The following SPACA6 variants were observed in gnomAD, a reference collection of about 807,000 sequenced individuals.
SPACA6 encodes the protein sperm acrosome membrane-associated protein 6.
For synonymous variants in SPACA6, 6 were observed against 1.5 expected, an observed-to-expected ratio of 4.05 and a Z score of -2.21; for missense variants, 8 against 2.8, an observed-to-expected ratio of 2.88 and a Z score of -1.34.
In SPACA6 at chr19:51,703,191, G is replaced by T; in HGVS notation, c.464-37G>T. ...TAAGCTGGTGGCGAGGCCAGACGTG[G>T]TCGGGGCCCAGCGAGTGAACCCTGC... is the stretch of plus-strand genomic sequence containing the variant. On this transcript the variant is annotated intron_variant, in intron 5 of 8. Coordinates refer to ENST00000637797, the MANE Select transcript of SPACA6 (RefSeq NM_001316972.2). This position sits in a 1 kb window ranked among gnomAD's most constrained non-coding sequence, Gnocchi z 4.2. 1 of 399,434 alleles carries T rather than the reference G, an allele frequency of 2.5e-6. No homozygotes were observed. Among genetic ancestry groups the T allele is most frequent in the Non-Finnish European group, 4.4e-6 (1 of 226,164 alleles). The allele number at this position is 399,434 out of a possible 1,614,324, so 24.7% of individuals were successfully genotyped here. A position where few individuals can be genotyped will look rare whatever the true frequency, so the allele number is the denominator to read the frequency against.
chr19:51,704,300 A>C lies in SPACA6; in HGVS notation c.761A>C (p.Glu254Ala), dbSNP rs1204069339. Residue 254 changes from glutamate to alanine, a missense_variant, in exon 8 of 9, where the codon GAG becomes GCG. Physicochemically the swap from Glu to Ala is moderately radical, Grantham distance 107. Coordinates refer to ENST00000637797, the MANE Select transcript of SPACA6 (RefSeq NM_001316972.2). ...VTGPPPRAET[E>A]LQASFREVLR... ...GGCCCGCCCCCGCGGGCGGAGACAG[A>C]GTTGCAGGCCTCGTTCCGGGAAGTG... 1 of 400,526 alleles carries C rather than the reference A, an allele frequency of 2.5e-6. No individual in the cohort carries two copies. The highest frequency in any genetic ancestry group is 2.1e-5 in the African/African-American group (1 of 48,610). 24.8% of individuals were successfully genotyped at this position (400,526 alleles called of 1,614,324 possible). A position where few individuals can be genotyped will look rare whatever the true frequency, so the allele number is the denominator to read the frequency against.
downstream of SPACA6, among the ~76,000 whole-genome samples, chr19:51,709,620 A>G (rs1217225214): frequency 6.6e-6 from 1 of 151,144 alleles, no homozygotes; most frequent in Non-Finnish European, 1.5e-5. Context: ...GTCACAAAAA[A>G]AAAAAAAAAA....
chr19:51,705,342 A>G, downstream of SPACA6: 1 of 371,962 alleles, frequency 2.7e-6, no homozygotes, highest in Non-Finnish European at 4.8e-6. Flanking sequence ...ATACCCCCTC[A>G]GGTTACTGGC....
Position 51,693,592 on chromosome 19 carries a change from G to A in SPACA6, c.66G>A (p.Val22=). 2.3e-6 allele frequency: 1 copy of A among 432,196 alleles called. No individual in the cohort carries two copies. Among genetic ancestry groups the A allele is most frequent in the Middle Eastern group, 3.0e-4 (1 of 3,290 alleles). 26.8% of individuals were successfully genotyped at this position (432,196 alleles called of 1,614,324 possible). A position where few individuals can be genotyped will look rare whatever the true frequency, so the allele number is the denominator to read the frequency against. ...TGCTGGCCCTGGCTGTCTTCAGGGT[G>A]CCCGCCTGGGCCTGTCTCCTCTGCT... is the stretch of plus-strand genomic sequence containing the variant. The part of the protein sequence containing the change: ...SALLALAVFR[V]PAWACLLCFT... The change falls in exon 1 of 9, where the codon GTG becomes GTA. Residue 22 remains valine (V), a synonymous_variant. Transcript: ENST00000637797.
At chr19:51,702,707 C>T (rs1413775765) in intron 4 of SPACA6, 55 bp downstream of exon 4, 2 of 398,956 alleles carry the variant, frequency 5.0e-6, no homozygotes, top group African/African-American at 4.1e-5. Flanking sequence ...CGGTCGGGGA[C>T]GAAACGTACG....
At chr19:51,697,593 A>G (rs1299058719) in intron 2 of SPACA6, among the ~76,000 whole-genome samples, 2 of 152,172 alleles carry the variant, frequency 1.3e-5, no homozygotes, top group Non-Finnish European at 2.9e-5. Flanking sequence ...TTGGAGATAG[A>G]CTGGACCAGA....
rs1568619735 is a variant in SPACA6, at chr19:51,703,500, G to A, written c.573+163G>A. On this transcript the variant is annotated intron_variant, in intron 6 of 8. Transcript: ENST00000637797. This position sits in a 1 kb window ranked among gnomAD's most constrained non-coding sequence, Gnocchi z 4.2. ...GATTTAGGGGAGAGCTCGAAGATCA[G>A]AATGCAGGACCAAGGACCTGGGGCG... is the stretch of plus-strand genomic sequence containing the variant. 6.6e-6 allele frequency among the ~76,000 whole-genome samples: 1 copy of A among 152,158 alleles called. No homozygotes were observed. The highest frequency in any genetic ancestry group is 6.5e-5 in the Admixed American group (1 of 15,278).
chr19:51,712,677 CAG>C (rs2083548325), downstream of SPACA6, among the ~76,000 whole-genome samples: 1 of 152,132 alleles, frequency 6.6e-6, no homozygotes, highest in South Asian at 2.1e-4. Flanking sequence ...TGTATGGACA[CAG>C]GGGCAAGTGA....
chr19:51,693,552 C>T lies in SPACA6; in HGVS notation c.26C>T (p.Ala9Val). The change falls in exon 1 of 9, where the codon GCC (alanine) becomes GTC (valine). Residue 9 changes from alanine to valine, a missense_variant. Coordinates refer to ENST00000637797, the MANE Select transcript of SPACA6 (RefSeq NM_001316972.2). ...ATGGCCCTGCTGGCTCTGGCCAGTG[C>T]CGTCCCGTCTGCCCTGCTGGCCCTG... MALLALAS[A>V]VPSALLALAV... 1 of 472,668 alleles carries T rather than the reference C, an allele frequency of 2.1e-6. No individual in the cohort carries two copies. The highest frequency in any genetic ancestry group is 3.9e-6 in the Non-Finnish European group (1 of 259,706). 29.3% of individuals were successfully genotyped at this position (472,668 alleles called of 1,614,324 possible).
chr19:51,711,878 G>A (rs1223596820), intron 2 of SPACA6, among the ~76,000 whole-genome samples: 2 of 152,160 alleles, frequency 1.3e-5, no homozygotes, highest in East Asian at 3.8e-4. Flanking sequence ...GGTCTTAGGG[G>A]GATAAAGGGG....
At chr19:51,690,231 T>C (rs1219912053), upstream of SPACA6, among the ~76,000 whole-genome samples, 1 of 151,628 alleles carries the variant, frequency 6.6e-6, no homozygotes, top group Non-Finnish European at 1.5e-5. Flanking sequence ...GCCCCCTTTT[T>C]TCCAGGATCC....
At chr19:51,710,209 C>T (rs1355181755), downstream of SPACA6, among the ~76,000 whole-genome samples, 1 of 152,240 alleles carries the variant, frequency 6.6e-6, no homozygotes, top group Non-Finnish European at 1.5e-5. Flanking sequence ...GTGGCTCACT[C>T]TTAACTCTTT....
intron 2 of SPACA6, among the ~76,000 whole-genome samples, chr19:51,696,616 T>A (rs1300931314): frequency 6.6e-6 from 1 of 151,968 alleles, no homozygotes; most frequent in Non-Finnish European, 1.5e-5. Flanking sequence ...TTTGGCTAAT[T>A]TTTTAAATAG....
In SPACA6 at chr19:51,704,297, C is replaced by T. The variant is rs772608770; in HGVS notation, c.758C>T (p.Thr253Ile). The change falls in exon 8 of 9, where the codon ACA becomes ATA. Residue 253 changes from threonine to isoleucine, a missense_variant. Physicochemically the swap from Thr to Ile is moderately conservative, Grantham distance 89. Coordinates refer to ENST00000637797, the MANE Select transcript of SPACA6 (RefSeq NM_001316972.2). ...ACGGGCCCGCCCCCGCGGGCGGAGA[C>T]AGAGTTGCAGGCCTCGTTCCGGGAA... The part of the protein sequence containing the change: ...NVTGPPPRAE[T>I]ELQASFREVL... 1.4e-4 allele frequency: 58 copies of T among 400,638 alleles called. No individual in the cohort carries two copies. The highest frequency in any genetic ancestry group is 2.3e-4 in the Non-Finnish European group (52 of 226,026). The allele number at this position is 400,638 out of a possible 1,614,324, so 24.8% of individuals were successfully genotyped here. A position where few individuals can be genotyped will look rare whatever the true frequency, so the allele number is the denominator to read the frequency against.
chr19:51,706,277 A>T (rs2083515363), downstream of SPACA6, among the ~76,000 whole-genome samples: 1 of 152,008 alleles, frequency 6.6e-6, no homozygotes, highest in Admixed American at 6.6e-5. Flanking sequence ...TCCTGCCTAG[A>T]ATAATATTTT....
chr19:51,705,706 A>ATTTTATT (rs61529733), downstream of SPACA6, among the ~76,000 whole-genome samples: 1 of 150,244 alleles, frequency 6.7e-6, no homozygotes, highest in African/African-American at 2.5e-5. Context: ...ATTTTATTTT[A>ATTTTATT]TTTTTTTGGA....
At chr19:51,684,846 T>A (rs1481887644), upstream of SPACA6, among the ~76,000 whole-genome samples, 1 of 152,172 alleles carries the variant, frequency 6.6e-6, no homozygotes, top group Non-Finnish European at 1.5e-5. Flanking sequence ...ATTTAGATCA[T>A]CTCGTGATTT....
downstream of SPACA6, among the ~76,000 whole-genome samples, chr19:51,708,578 A>G (rs1844629550): frequency 6.6e-6 from 1 of 152,034 alleles, no homozygotes; most frequent in Non-Finnish European, 1.5e-5. Context: ...TGTAATCCCA[A>G]CACTTTGGGA....
chr19:51,703,126 G>A lies in SPACA6; in HGVS notation c.463+28G>A. On this transcript the variant is annotated intron_variant, in intron 5 of 8. Transcript: ENST00000637797. The surrounding 1 kb of genome is among the most constrained non-coding windows in gnomAD (Gnocchi z 4.2). ...GAGGGGGCGGGGCCTCGGGGTGCAG[G>A]AGGCCAACCTGAGAAAAGGGACCAG... 1 of 399,480 alleles carries A rather than the reference G, an allele frequency of 2.5e-6. No homozygotes were observed. The highest frequency in any genetic ancestry group is 4.4e-5 in the Admixed American group (1 of 22,734). The allele number at this position is 399,480 out of a possible 1,614,324, so 24.7% of individuals were successfully genotyped here.
Sources: gnomAD v4.1 joint callset for allele counts (sites outside exome capture counted in the v4.1 genomes callset) on GRCh38, gnomAD v4.1.1 for gene constraint, Gnocchi (gnomAD v3.1) non-coding constraint, MANE v1.5 for transcripts, NCBI Gene and HGNC (gene_info 2026-07-23, HGNC 2026-07-21) for gene names.